PDE1C: variants seen among roughly 807,000 people sequenced by gnomAD.
PDE1C encodes dual specificity calcium/calmodulin-dependent 3',5'-cyclic nucleotide phosphodiesterase 1C.
In PDE1C, 62 loss-of-function variants were observed where a neutral mutation model predicts 93.1. The observed-to-expected ratio is 0.67, with a 90% CI of 0.54 to 0.82. The LOEUF is 0.82. Among genes scored for constraint, PDE1C ranks in the 40% least tolerant of loss-of-function variants. The pLI, the probability that PDE1C is intolerant of heterozygous loss-of-function variation, is 0.00. For synonymous variants in PDE1C, 325 were observed against 310.1 expected (o/e 1.05, Z -0.50); for missense variants, 742 against 884.6 (o/e 0.84, Z 2.04).
chr7:31,965,117 T>C (rs146995592), intron 2 of PDE1C, among the ~76,000 whole-genome samples: 5,953 of 152,202 alleles, frequency 0.039, 406 homozygotes, highest in African/African-American at 0.14. Context: ...AGAATGACTT[T>C]GACGAGTTGA....
At chr7:31,823,343 A>G (rs1221729255) in intron 13 of PDE1C, 95 bp from the exon 14 acceptor site, 39 of 899,342 alleles carry the variant, frequency 4.3e-5, no homozygotes, top group Non-Finnish European at 6.0e-5. Flanking sequence ...TAGCACTCCT[A>G]AAGTTATTGC....
intron 3 of PDE1C, among the ~76,000 whole-genome samples, chr7:32,078,649 G>T (rs1584715390): frequency 2.0e-5 from 3 of 152,204 alleles, no homozygotes; most frequent in Admixed American, 2.0e-4. Context: ...GCTTGGCCAG[G>T]CATGGTAGCT....
chr7:32,184,050 CTCA>C (rs1290290204), intron 2 of PDE1C, among the ~76,000 whole-genome samples: 1 of 152,174 alleles, frequency 6.6e-6, no homozygotes, highest in Non-Finnish European at 1.5e-5. Flanking sequence ...TGAAAAAATG[CTCA>C]TCATCACTGG....
intron 1 of PDE1C, chr7:32,052,249 C>T (rs933120842): frequency 2.2e-6 from 1 of 463,758 alleles, no homozygotes; most frequent in Non-Finnish European, 4.3e-6. Context: ...AGAAGAGACC[C>T]AGTTCCAGCC....
At chr7:31,622,201 G>C in the PDE1C span, among the ~76,000 whole-genome samples, 125,222 of 128,608 alleles carry the variant, frequency 0.97, 60,987 homozygotes, top group East Asian at 0.99. Flanking sequence ...ATCAACGAGA[G>C]AGAAAGTCAA....
At chr7:32,169,961 G>C (rs755695725) in intron 2 of PDE1C, 1 of 1,609,892 alleles carries the variant, frequency 6.2e-7, no homozygotes, top group East Asian at 2.2e-5. Context: ...TAGACCCTGA[G>C]GCATGGGGAA....
chr7:31,810,737 TG>T (rs1433597489), intron 15 of PDE1C, among the ~76,000 whole-genome samples: 24 of 152,140 alleles, frequency 1.6e-4, no homozygotes, highest in Admixed American at 3.9e-4. Context: ...ATCTCCCTCT[TG>T]GCATAACTGC....
At chr7:32,150,470 G>A (rs1801173968) in intron 3 of PDE1C, among the ~76,000 whole-genome samples, 1 of 152,148 alleles carries the variant, frequency 6.6e-6, no homozygotes, top group African/African-American at 2.4e-5. Context: ...GTGCATTGGG[G>A]TTAAAGATGA....
At chr7:32,350,441 G>T (rs1054842292) in intron 1 of PDE1C, among the ~76,000 whole-genome samples, 18 of 151,912 alleles carry the variant, frequency 1.2e-4, no homozygotes, top group African/African-American at 4.4e-4. Context: ...ATCAAATATT[G>T]TGTTCTAATA....
intron 7 of PDE1C, among the ~76,000 whole-genome samples, chr7:31,858,453 C>T (rs949121559): frequency 3.3e-5 from 5 of 151,944 alleles, no homozygotes; most frequent in Non-Finnish European, 5.9e-5. Context: ...CTTACTGTTA[C>T]GGGAAGTGAA....
the PDE1C span, among the ~76,000 whole-genome samples, chr7:31,619,720 A>T: frequency 2.0e-5 from 3 of 152,032 alleles, no homozygotes. Flanking sequence ...CTGAGGTACC[A>T]GTTCCATCTC....
the PDE1C span, chr7:31,707,306 T>C: frequency 6.3e-7 from 1 of 1,595,750 alleles, no homozygotes; most frequent in East Asian, 2.2e-5. Flanking sequence ...TGAGACCACT[T>C]GTAAATAGGT....
rs190118363 is a variant in PDE1C, at chr7:32,031,871, G to A, written c.128+19683C>T. ...TGGGGCAAGGAGACTGTGTCCAGAC[G>A]TTGTCAGAGGGGGCCACAGGTTTGT... is the stretch of plus-strand genomic sequence containing the variant. On this transcript the variant is annotated intron_variant, in intron 2 of 17. Coordinates refer to ENST00000396191, the MANE Select transcript of PDE1C (RefSeq NM_001191057.4). 1.4e-4 allele frequency among the ~76,000 whole-genome samples: 22 copies of A among 152,220 alleles called. No homozygotes were observed. The East Asian group carries it at 2.3e-3, about 16-fold the overall frequency.
rs565733333 is a variant in PDE1C, at chr7:32,409,608, T to C, written c.310+18214A>G. ...CTAGAAAGGGAGATATGGTTCAATA[T>C]TTGGAAATATATTGATTATCTGTAT... On this transcript the variant is annotated intron_variant, in intron 1 of 1. Coordinates refer to the PDE1C transcript ENST00000672256. Among the ~76,000 whole-genome samples the C allele has an allele frequency of 2.8e-3, 420 of 152,176 alleles. 2 individuals carry two copies. Among genetic ancestry groups the C allele is most frequent in the African/African-American group, 9.5e-3 (394 of 41,522 alleles).
At chr7:31,749,728 T>C (rs1223712593), downstream of PDE1C, among the ~76,000 whole-genome samples, 3 of 136,862 alleles carry the variant, frequency 2.2e-5, no homozygotes, top group Admixed American at 8.9e-5. Context: ...GTGGTCGCTG[T>C]TGTCTAATTT....
intron 3 of PDE1C, among the ~76,000 whole-genome samples, chr7:32,145,192 A>G (rs1264187841): frequency 6.6e-6 from 1 of 152,204 alleles, no homozygotes; most frequent in Non-Finnish European, 1.5e-5. Flanking sequence ...TAAAGGCAGA[A>G]AGGTCATTTG....
At chr7:32,261,123 A>C (rs1458512842) in intron 1 of PDE1C, among the ~76,000 whole-genome samples, 1 of 152,060 alleles carries the variant, frequency 6.6e-6, no homozygotes, top group Non-Finnish European at 1.5e-5. Context: ...AAAAAAAAAG[A>C]AAAGAAACTA....
intron 2 of PDE1C, among the ~76,000 whole-genome samples, chr7:32,175,665 A>C (rs1802939020): frequency 6.6e-6 from 1 of 152,190 alleles, no homozygotes; most frequent in Non-Finnish European, 1.5e-5. Flanking sequence ...GGAAAACTGA[A>C]TTCGTTTTCC....
chr7:32,198,518 T>C (rs1345187113), intron 2 of PDE1C, among the ~76,000 whole-genome samples: 2 of 152,194 alleles, frequency 1.3e-5, no homozygotes, highest in Non-Finnish European at 2.9e-5. Context: ...CAGCTCTGTT[T>C]CACAAAATCT....
Sources: gnomAD v4.1 joint callset for allele counts (sites outside exome capture counted in the v4.1 genomes callset) on GRCh38, gnomAD v4.1.1 for gene constraint, MANE v1.5 for transcripts, NCBI Gene and HGNC (gene_info 2026-07-23, HGNC 2026-07-21) for gene names.